The following PPFIBP2 variants were observed in gnomAD, a reference collection of about 807,000 sequenced individuals.
PPFIBP2 encodes the protein PPFIB scaffold protein 2, also known as liprin-beta-2.
PPFIBP2 carries 118 observed loss-of-function variants against 118.3 expected under a neutral mutation model. The observed-to-expected ratio is 1.00, with a 90% CI of 0.86 to 1.16. The LOEUF is 1.16. Ranked by LOEUF, PPFIBP2 falls within the 50% of genes most tolerant of loss-of-function variation. The pLI is 0.00. For synonymous variants in PPFIBP2, 414 were observed against 397.4 expected (o/e 1.04, Z -0.50); for missense variants, 1,195 against 1,073.1 (o/e 1.11, Z -1.59).
downstream of PPFIBP2, among the ~76,000 whole-genome samples, chr11:7,657,998 G>A (rs1455914712): frequency 2.0e-5 from 3 of 152,208 alleles, no homozygotes; most frequent in African/African-American, 7.2e-5. Flanking sequence ...AACCTTCCAT[G>A]CCAGGGCTAG....
In PPFIBP2 at chr11:7,605,675, A is replaced by G. The variant is rs557773791; in HGVS notation, c.487-4616A>G. 1.8e-3 allele frequency: 2,302 copies of G among 1,292,304 alleles called. 1 individual carries two copies. The highest frequency in any genetic ancestry group is 2.1e-3 in the Non-Finnish European group (2,123 of 1,019,096). 80.1% of individuals were successfully genotyped at this position (1,292,304 alleles called of 1,614,324 possible). A position where few individuals can be genotyped will look rare whatever the true frequency, so the allele number is the denominator to read the frequency against. ...AGGTACAGAGTTGATAAGGAGAACA[A>G]TGTTGCTTCAAGGAAGTTGATAAAC... On this transcript the variant is annotated intron_variant, in intron 5 of 23. Coordinates refer to ENST00000299492, the MANE Select transcript of PPFIBP2 (RefSeq NM_003621.5).
At chr11:7,630,808 T>A (rs11823261) in intron 10 of PPFIBP2, 117 bp from the exon 11 acceptor site, 120,416 of 765,346 alleles carry the variant, frequency 0.16, 10,609 homozygotes, top group Middle Eastern at 0.2. Context: ...TACTGTCCCT[T>A]TATATATTTC....
At chr11:7,569,851 C>T (rs1317941298) in intron 3 of PPFIBP2, among the ~76,000 whole-genome samples, 1 of 152,180 alleles carries the variant, frequency 6.6e-6, no homozygotes, top group East Asian at 1.9e-4. Flanking sequence ...GGGCAGCCTC[C>T]TCCTTCTCTG....
At chr11:7,601,294 G>A (rs1340795989) in intron 5 of PPFIBP2, among the ~76,000 whole-genome samples, 2 of 152,186 alleles carry the variant, frequency 1.3e-5, no homozygotes, top group Admixed American at 1.3e-4. Flanking sequence ...TCCAGAAAGA[G>A]CAAGAAGACC....
Position 7,653,099 on chromosome 11 carries a change from C to G in PPFIBP2, c.2512C>G (p.Pro838Ala). 1 of 1,614,158 alleles carries G rather than the reference C, an allele frequency of 6.2e-7. No homozygotes were observed. The highest frequency in any genetic ancestry group is 8.5e-7 in the Non-Finnish European group (1 of 1,179,994). ...KFDESTDYIC[P>A]MEPSDGVSDS... ...CGATGAATCGACGGACTACATTTGC[C>G]CAATGGAGCCCAGTGACGGTGTCAG... Residue 838 changes from proline to alanine, a missense_variant, in exon 24 of 24, where the codon CCA becomes GCA. Transcript: ENST00000299492.
chr11:7,649,805 C>G, intron 21 of PPFIBP2, 151 bp downstream of exon 21: 4 of 1,233,054 alleles, frequency 3.2e-6, no homozygotes, highest in Non-Finnish European at 4.6e-6. Context: ...CCTGTTGCCC[C>G]AAACATCCGT....
rs111260375 is a variant in PPFIBP2, at chr11:7,628,604, G to GA, written c.888+265dup. On this transcript the variant is annotated intron_variant, in intron 9 of 23. Coordinates refer to ENST00000299492, the MANE Select transcript of PPFIBP2 (RefSeq NM_003621.5). ...CTGCCTGTTCCTGCTGGTGTGGGGG[G>GA]AAAAAAATACTGCTGTGATCACTGC... Among the ~76,000 whole-genome samples, 37 of 152,120 alleles carry GA rather than the reference G, an allele frequency of 2.4e-4. No individual in the cohort carries two copies. The South Asian group carries it at 5.8e-3, about 24-fold the overall frequency.
chr11:7,650,987 C>A, intron 22 of PPFIBP2, 22 bp downstream of exon 22: 1 of 1,607,846 alleles, frequency 6.2e-7, no homozygotes. Context: ...TCTGGCCTAG[C>A]CCACCTGCCT....
intron 1 of PPFIBP2, among the ~76,000 whole-genome samples, chr11:7,547,856 C>G (rs1423882951): frequency 6.6e-6 from 1 of 152,180 alleles, no homozygotes; most frequent in Non-Finnish European, 1.5e-5. Context: ...TGCCCTCTCC[C>G]CCTCCACAAG....
At chr11:7,587,952 C>T (rs1858509226) in intron 3 of PPFIBP2, among the ~76,000 whole-genome samples, 1 of 152,220 alleles carries the variant, frequency 6.6e-6, no homozygotes, top group South Asian at 2.1e-4. Flanking sequence ...CAAGTCTTCT[C>T]TGTTTCTTTT....
At chr11:7,581,546 C>G (rs564118926) in intron 3 of PPFIBP2, among the ~76,000 whole-genome samples, 165 of 152,156 alleles carry the variant, frequency 1.1e-3, no homozygotes, top group Non-Finnish European at 2.1e-3. Context: ...AATGGTTGAT[C>G]TAGTAGCCTG....
chr11:7,658,178 G>A (rs1488387191), downstream of PPFIBP2, among the ~76,000 whole-genome samples: 3 of 151,770 alleles, frequency 2.0e-5, no homozygotes, highest in East Asian at 5.8e-4. Flanking sequence ...TAAGTTTTAG[G>A]GTACATGTGC....
At chr11:7,634,456 C>T (rs768471326) in intron 12 of PPFIBP2, 39 bp from the exon 13 acceptor site, 1 of 1,499,974 alleles carries the variant, frequency 6.7e-7, no homozygotes, top group Non-Finnish European at 9.3e-7. Context: ...ACATGTACCT[C>T]CTTCTCATAA....
chr11:7,558,359 A>G (rs1419120570), intron 2 of PPFIBP2, among the ~76,000 whole-genome samples: 1 of 152,210 alleles, frequency 6.6e-6, no homozygotes, highest in African/African-American at 2.4e-5. Context: ...ACTTCAAGGG[A>G]CAGAACTGTG....
intron 8 of PPFIBP2, among the ~76,000 whole-genome samples, 199 bp downstream of exon 8, chr11:7,626,090 A>C (rs996348958): frequency 2.0e-5 from 3 of 152,216 alleles, no homozygotes; most frequent in African/African-American, 7.2e-5. Flanking sequence ...CCTATAATGC[A>C]GCGCTCTTGT....
the PPFIBP2 span, chr11:7,665,370 G>GAT: frequency 6.7e-7 from 1 of 1,495,574 alleles, no homozygotes; most frequent in African/African-American, 1.5e-5. Flanking sequence ...AGCACGTGGA[G>GAT]GTGTTAGTAG....
rs573146179 is a variant in PPFIBP2 at position 7,582,853 on chromosome 11, C to A, written c.280-10279C>A. On this transcript the variant is annotated intron_variant, in intron 3 of 23. Coordinates refer to ENST00000299492, the MANE Select transcript of PPFIBP2 (RefSeq NM_003621.5). ...CTCTCAGCCAAGGCTATCCCAGTAT[C>A]CTGTCCTTGACCCAATCCTGTTCCA... is the stretch of plus-strand genomic sequence containing the variant. Among the ~76,000 whole-genome samples, 12 of 152,282 alleles carry A rather than the reference C, an allele frequency of 7.9e-5. No individual in the cohort carries two copies. The East Asian group carries it at 2.3e-3, about 29-fold the overall frequency.
chr11:7,598,758 G>C (rs943417124), intron 5 of PPFIBP2, among the ~76,000 whole-genome samples: 1 of 152,022 alleles, frequency 6.6e-6, no homozygotes, highest in Non-Finnish European at 1.5e-5. Context: ...TAATTGTCAT[G>C]ATCAGCATAA....
chr11:7,623,569 A>G (rs1849614512), intron 7 of PPFIBP2, among the ~76,000 whole-genome samples: 1 of 152,226 alleles, frequency 6.6e-6, no homozygotes. Context: ...TGTAGGGTCC[A>G]TGGTATATAC....
Sources: allele counts gnomAD v4.1 joint callset (sites outside exome capture counted in the v4.1 genomes callset), GRCh38; gene constraint gnomAD v4.1.1; transcripts MANE v1.5; gene names NCBI Gene and HGNC (gene_info 2026-07-23, HGNC 2026-07-21).